Variants in MICU1 observed in about 807,000 individuals in gnomAD.
MICU1 encodes the protein calcium uptake protein 1, mitochondrial.
In MICU1, 45 loss-of-function variants were observed where a neutral mutation model predicts 56.8. The ratio of observed to expected loss-of-function variants is 0.79; its 90% confidence interval spans 0.62 to 1.02. The LOEUF (loss-of-function observed/expected upper bound fraction) is 1.02. MICU1 is among the 50% of genes least tolerant of loss of function. The pLI, the probability that MICU1 is intolerant of heterozygous loss-of-function variation, is 0.00. For synonymous variants in MICU1, 186 were observed against 195.1 expected (o/e 0.95, Z 0.39); for missense variants, 504 against 587.1 (o/e 0.86, Z 1.46).
Position 72,551,349 on chromosome 10 carries a change from T to C in MICU1, c.331-8A>G, listed in dbSNP as rs1840030226. ...ATTCTCATATTCCATCACCTAAAGT[T>C]AGAAATTTAGAAAGTGTTACTATAT... is the stretch of plus-strand genomic sequence containing the variant. On this transcript the variant is annotated splice_region_variant and splice_polypyrimidine_tract_variant and intron_variant, in intron 3 of 11. Transcript: ENST00000361114. 6.3e-7 allele frequency: 1 copy of C among 1,593,130 alleles called. No homozygotes were observed. Among genetic ancestry groups the C allele is most frequent in the East Asian group, 2.3e-5 (1 of 44,412 alleles).
At chr10:72,398,135 C>T (rs112088364) in intron 10 of MICU1, among the ~76,000 whole-genome samples, 159 of 152,288 alleles carry the variant, frequency 1.0e-3, no homozygotes, top group Non-Finnish European at 1.9e-3. Flanking sequence ...GATTAAGAAA[C>T]TCACTCAAAA....
chr10:72,489,683 C>T (rs1866591381), intron 6 of MICU1, among the ~76,000 whole-genome samples: 1 of 152,124 alleles, frequency 6.6e-6, no homozygotes, highest in South Asian at 2.1e-4. Flanking sequence ...TCTAGTTCTG[C>T]TTTCAGGTAC....
intron 5 of MICU1, among the ~76,000 whole-genome samples, chr10:72,529,946 CTTTTTTT>C (rs11338457): frequency 3.0e-5 from 3 of 100,800 alleles, no homozygotes; most frequent in Non-Finnish European, 3.8e-5. Context: ...GGGGAAGGTG[CTTTTTTT>C]TTTTTTTTTT....
chr10:72,584,668 T>C (rs1220300183), intron 1 of MICU1, among the ~76,000 whole-genome samples: 1 of 151,916 alleles, frequency 6.6e-6, no homozygotes, highest in African/African-American at 2.4e-5. Flanking sequence ...TGTTCCCACT[T>C]CAGCCTCTGA....
intron 10 of MICU1, among the ~76,000 whole-genome samples, chr10:72,389,939 T>C (rs1370349453): frequency 6.6e-6 from 1 of 152,250 alleles, no homozygotes; most frequent in Non-Finnish European, 1.5e-5. Flanking sequence ...TCTAATTTTA[T>C]GCCCAGTGTG....
At position 72,423,386 on chromosome 10, in the gene MICU1, G is replaced by C; in HGVS notation, c.934-15C>G. ...TGGCGTTCAAACTGGGAGGGAAACA[G>C]AAAGAATGTTCCTAGGGTCAATGGA... On this transcript the variant is annotated splice_polypyrimidine_tract_variant and intron_variant, in intron 8 of 11. Coordinates refer to ENST00000361114, the MANE Select transcript of MICU1 (RefSeq NM_001195518.2). The C allele has an allele frequency of 6.2e-7, 1 of 1,612,760 alleles. No homozygotes were observed. Among genetic ancestry groups the C allele is most frequent in the African/African-American group, 1.3e-5 (1 of 75,010 alleles).
intron 1 of MICU1, among the ~76,000 whole-genome samples, chr10:72,609,921 G>A: frequency 6.6e-6 from 1 of 151,714 alleles, no homozygotes; most frequent in East Asian, 1.9e-4. Flanking sequence ...TGTAATCCTA[G>A]CTAGTCCGGA....
chr10:72,405,047 C>T (rs1163978131), intron 10 of MICU1, among the ~76,000 whole-genome samples: 2 of 152,034 alleles, frequency 1.3e-5, no homozygotes, highest in South Asian at 2.1e-4. Context: ...GCTGGGACTA[C>T]AGGCATGTGC....
chr10:72,607,261 A>C (rs1822385622), intron 1 of MICU1, among the ~76,000 whole-genome samples: 1 of 151,632 alleles, frequency 6.6e-6, no homozygotes, highest in Non-Finnish European at 1.5e-5. Flanking sequence ...GAATAGCTTG[A>C]ACCCGGTAGG....
At chr10:72,494,722 T>C (rs975063954) in intron 6 of MICU1, among the ~76,000 whole-genome samples, 4 of 151,862 alleles carry the variant, frequency 2.6e-5, no homozygotes, top group African/African-American at 9.7e-5. Flanking sequence ...CATAAGAAGA[T>C]TGTGAGACTT....
At chr10:72,498,403 C>A (rs932849181) in intron 6 of MICU1, among the ~76,000 whole-genome samples, 1 of 152,118 alleles carries the variant, frequency 6.6e-6, no homozygotes, top group East Asian at 1.9e-4. Context: ...CTGGCCAACA[C>A]GGTGAAACCC....
At chr10:72,625,708 G>T (rs1842211507) in intron 1 of MICU1, among the ~76,000 whole-genome samples, 2 of 152,200 alleles carry the variant, frequency 1.3e-5, no homozygotes, top group African/African-American at 2.4e-5. Flanking sequence ...TGAGGAGGGG[G>T]GCGTCGGCGC....
intron 5 of MICU1, chr10:72,523,997 C>G: frequency 7.9e-7 from 1 of 1,271,118 alleles, no homozygotes; most frequent in East Asian, 3.0e-5. Context: ...AACCAAGCAA[C>G]TGCTTATTTG....
Position 72,551,211 on chromosome 10 carries a change from C to A in MICU1, c.461G>T (p.Arg154Leu). 1.2e-6 allele frequency: 2 copies of A among 1,608,042 alleles called. No individual in the cohort carries two copies. The highest frequency in any genetic ancestry group is 1.1e-5 in the South Asian group (1 of 90,024). The change falls in exon 4 of 12, where the codon CGA becomes CTA. Residue 154 changes from arginine (R) to leucine (L), a missense_variant. Coordinates refer to ENST00000361114, the MANE Select transcript of MICU1 (RefSeq NM_001195518.2). ...TTGTTTTTCATTGGGTGTTATGGAT[C>A]GCACAAAATCTTCTGGTGTCATAAA... is the stretch of plus-strand genomic sequence containing the variant. ...EVFMTPEDFVRSITPNEKQPE... is the reference protein window; with the variant it reads ...EVFMTPEDFVLSITPNEKQPE...
intron 5 of MICU1, among the ~76,000 whole-genome samples, chr10:72,528,456 T>C (rs1316985148): frequency 1.3e-5 from 2 of 152,192 alleles, no homozygotes; most frequent in Admixed American, 6.5e-5. Flanking sequence ...TGAATAAATA[T>C]ATTAATTAAC....
At chr10:72,610,823 G>A (rs181472444) in intron 1 of MICU1, among the ~76,000 whole-genome samples, 1 of 152,182 alleles carries the variant, frequency 6.6e-6, no homozygotes, top group South Asian at 2.1e-4. Flanking sequence ...GGAGGTTAGA[G>A]GGTGAATACA....
At chr10:72,419,638 G>A (rs1190720408) in intron 9 of MICU1, among the ~76,000 whole-genome samples, 1 of 152,220 alleles carries the variant, frequency 6.6e-6, no homozygotes, top group Non-Finnish European at 1.5e-5. Context: ...GGAAAACTGG[G>A]ACAAGCACTA....
At chr10:72,410,534 G>T (rs144232197) in intron 9 of MICU1, among the ~76,000 whole-genome samples, 1 of 152,154 alleles carries the variant, frequency 6.6e-6, no homozygotes, top group Admixed American at 6.6e-5. Context: ...CAGGAGAATC[G>T]CTTGAGCCTG....
intron 10 of MICU1, among the ~76,000 whole-genome samples, chr10:72,383,625 A>G (rs922662488): frequency 6.6e-6 from 1 of 152,126 alleles, no homozygotes; most frequent in East Asian, 1.9e-4. Context: ...TCTTATCTCA[A>G]TCTTGAGAAG....
Sources: allele counts gnomAD v4.1 joint callset (sites outside exome capture counted in the v4.1 genomes callset), GRCh38; gene constraint gnomAD v4.1.1; transcripts MANE v1.5; gene names NCBI Gene and HGNC (gene_info 2026-07-23, HGNC 2026-07-21).